The following TMEM71 variants were observed in gnomAD, a reference collection of about 807,000 sequenced individuals.
The protein encoded by TMEM71 is transmembrane protein 71.
TMEM71 carries 44 observed loss-of-function variants against 38.0 expected under a neutral mutation model. That is an observed-to-expected ratio of 1.16 (90% CI 0.91 to 1.49). The LOEUF is 1.49. TMEM71 is among the 40% of genes most tolerant of loss of function. TMEM71 has a pLI of 0.00. For synonymous variants in TMEM71, 133 were observed against 122.5 expected (o/e 1.09, Z -0.56); for missense variants, 367 against 348.6 (o/e 1.05, Z -0.42).
chr8:132,737,455 T>C (rs1226156502), intron 5 of TMEM71, among the ~76,000 whole-genome samples: 12 of 152,174 alleles, frequency 7.9e-5, no homozygotes, highest in Non-Finnish European at 1.3e-4. Flanking sequence ...TTCATATTCT[T>C]TTCTTTCATA....
intron 7 of TMEM71, among the ~76,000 whole-genome samples, chr8:132,719,545 G>T (rs377611226): frequency 1.3e-5 from 2 of 152,140 alleles, no homozygotes; most frequent in African/African-American, 4.8e-5. Flanking sequence ...AATACTTCTG[G>T]TTCCAAGCAT....
chr8:132,749,945 C>T (rs1337372600), intron 4 of TMEM71, among the ~76,000 whole-genome samples: 4 of 144,878 alleles, frequency 2.8e-5, no homozygotes, highest in African/African-American at 1.0e-4. Context: ...ACCAGGGAGT[C>T]GGAGGTTGCA....
intron 3 of TMEM71, among the ~76,000 whole-genome samples, chr8:132,752,529 G>A (rs531226039): frequency 6.6e-6 from 1 of 152,122 alleles, no homozygotes; most frequent in Non-Finnish European, 1.5e-5. Flanking sequence ...TCCAGGGAAG[G>A]CCCATAATTC....
At chr8:132,773,969 C>T in the TMEM71 span, among the ~76,000 whole-genome samples, 1 of 152,080 alleles carries the variant, frequency 6.6e-6, no homozygotes, top group Admixed American at 6.5e-5. Context: ...ATCAGTGAGG[C>T]CTTGGTTCAT....
intron 3 of TMEM71, 52 bp downstream of exon 3, chr8:132,757,182 C>A (rs781212911): frequency 7.1e-7 from 1 of 1,398,644 alleles, no homozygotes; most frequent in Non-Finnish European, 1.0e-6. Context: ...AGGCATGAGC[C>A]ACCACGCCCG....
intron 4 of TMEM71, among the ~76,000 whole-genome samples, chr8:132,751,124 A>G (rs1295146255): frequency 1.3e-5 from 2 of 152,046 alleles, no homozygotes; most frequent in African/African-American, 2.4e-5. Context: ...CTCCCTCTTT[A>G]TCTATAGAGT....
intron 5 of TMEM71, among the ~76,000 whole-genome samples, chr8:132,733,882 C>T (rs1827597824): frequency 6.6e-6 from 1 of 152,056 alleles, no homozygotes; most frequent in South Asian, 2.1e-4. Context: ...GCACAGTATG[C>T]CAAGTGAAAT....
At chr8:132,734,517 C>T (rs907810944) in intron 5 of TMEM71, among the ~76,000 whole-genome samples, 5 of 152,080 alleles carry the variant, frequency 3.3e-5, no homozygotes, top group Non-Finnish European at 7.4e-5. Context: ...CCAGGGCTGC[C>T]CAGTTGAATA....
chr8:132,769,267 A>T, the TMEM71 span, among the ~76,000 whole-genome samples: 8 of 152,154 alleles, frequency 5.3e-5, no homozygotes, highest in Admixed American at 5.2e-4. Flanking sequence ...GTCTTTCTTG[A>T]TTTGTCGAGT....
intron 5 of TMEM71, among the ~76,000 whole-genome samples, chr8:132,730,221 G>A (rs969914891): frequency 2.3e-4 from 35 of 152,148 alleles, no homozygotes; most frequent in African/African-American, 7.5e-4. Context: ...GCCTCCCAAA[G>A]TGCTAGGATT....
intron 6 of TMEM71, among the ~76,000 whole-genome samples, chr8:132,725,290 G>C (rs1486669072): frequency 6.6e-6 from 1 of 152,096 alleles, no homozygotes; most frequent in African/African-American, 2.4e-5. Flanking sequence ...TCAGCCTCCT[G>C]AGTAGCTGGG....
chr8:132,769,241 TTTC>T, the TMEM71 span, among the ~76,000 whole-genome samples: 1 of 152,270 alleles, frequency 6.6e-6, no homozygotes, highest in African/African-American at 2.4e-5. Context: ...ATTTTGAATG[TTTC>T]TTCTTCTATG....
chr8:132,725,084 G>A (rs1469775355), intron 6 of TMEM71, among the ~76,000 whole-genome samples: 1 of 150,700 alleles, frequency 6.6e-6, no homozygotes, highest in African/African-American at 2.4e-5. Flanking sequence ...TATTTCCCAG[G>A]CTGCAGTGCA....
intron 7 of TMEM71, among the ~76,000 whole-genome samples, chr8:132,716,145 T>TG (rs1242852226): frequency 6.6e-6 from 1 of 152,174 alleles, no homozygotes; most frequent in African/African-American, 2.4e-5. Flanking sequence ...CCTGCACTCT[T>TG]GGGGGCCTTG....
upstream of TMEM71, among the ~76,000 whole-genome samples, chr8:132,764,267 T>C (rs1586811065): frequency 2.7e-5 from 4 of 145,986 alleles, no homozygotes; most frequent in South Asian, 4.5e-4. Flanking sequence ...CATTACATAA[T>C]GAAAAATATG....
intron 5 of TMEM71, among the ~76,000 whole-genome samples, chr8:132,730,650 GT>G (rs1292669618): frequency 2.0e-5 from 3 of 152,008 alleles, no homozygotes; most frequent in Admixed American, 1.3e-4. Context: ...TGTGTTTTTT[GT>G]TTTTTTGTGG....
chr8:132,754,291 C>T (rs1362775131), intron 3 of TMEM71, among the ~76,000 whole-genome samples: 3 of 152,100 alleles, frequency 2.0e-5, no homozygotes, highest in East Asian at 3.9e-4. Flanking sequence ...GCCATACCAC[C>T]CTGAACGTGC....
intron 5 of TMEM71, among the ~76,000 whole-genome samples, chr8:132,728,493 G>A (rs1382602181): frequency 1.3e-5 from 2 of 152,194 alleles, no homozygotes; most frequent in African/African-American, 4.8e-5. Flanking sequence ...AATTGTGGGA[G>A]CTACAATTCA....
At chr8:132,750,638 G>A (rs939679894) in intron 4 of TMEM71, among the ~76,000 whole-genome samples, 10 of 152,118 alleles carry the variant, frequency 6.6e-5, no homozygotes, top group Non-Finnish European at 1.2e-4. Context: ...ATAGTTATTT[G>A]TTACACAGCT....
Sources: allele counts gnomAD v4.1 joint callset (sites outside exome capture counted in the v4.1 genomes callset), GRCh38; gene constraint gnomAD v4.1.1; transcripts MANE v1.5; gene names NCBI Gene and HGNC (gene_info 2026-07-23, HGNC 2026-07-21).